Variants in CHLSN observed in about 807,000 individuals in gnomAD.
The protein encoded by CHLSN is protein cholesin.
At chr7:1,136,260 C>CATATAAATATATAAA in the CHLSN span, among the ~76,000 whole-genome samples, 2 of 104,098 alleles carry the variant, frequency 1.9e-5, no homozygotes, top group Admixed American at 1.2e-4. Flanking sequence ...TATATATAAA[C>CATATAAATATATAAA]ATATATAAAT....
chr7:1,062,783 C>T, the CHLSN span, among the ~76,000 whole-genome samples: 30 of 152,272 alleles, frequency 2.0e-4, no homozygotes, highest in African/African-American at 6.3e-4. Context: ...TATGGCGGTG[C>T]GCACGGTCCG....
the CHLSN span, among the ~76,000 whole-genome samples, chr7:981,819 G>A: frequency 6.6e-6 from 1 of 152,162 alleles, no homozygotes; most frequent in East Asian, 1.9e-4. Flanking sequence ...CTTGAACCCA[G>A]GAGTGTGAGA....
the CHLSN span, among the ~76,000 whole-genome samples, chr7:979,453 A>T: frequency 5.9e-5 from 9 of 152,006 alleles, no homozygotes; most frequent in Non-Finnish European, 1.3e-4. Context: ...TTATCTTTTT[A>T]AAAAACGCAG....
chr7:1,050,321 GGCATTTGCTCAGGCTCAGA>G, the CHLSN span, among the ~76,000 whole-genome samples: 1 of 152,238 alleles, frequency 6.6e-6, no homozygotes. Context: ...AGATCCCCAG[GGCATTTGCTCAGGCTCAGA>G]GCAGAGCAGG....
the CHLSN span, among the ~76,000 whole-genome samples, chr7:1,040,351 C>A: frequency 6.6e-6 from 1 of 151,832 alleles, no homozygotes; most frequent in African/African-American, 2.4e-5. Flanking sequence ...AAAAATTAGA[C>A]AAGCATGGTG....
the CHLSN span, among the ~76,000 whole-genome samples, chr7:1,012,394 G>A: frequency 6.6e-6 from 1 of 152,234 alleles, no homozygotes; most frequent in Non-Finnish European, 1.5e-5. Context: ...AACCCAGGCC[G>A]TCCCATATCG....
the CHLSN span, chr7:983,105 G>A: frequency 1.0e-6 from 1 of 971,912 alleles, no homozygotes; most frequent in South Asian, 2.5e-5. Context: ...CACATTCTCG[G>A]GGTGGTGGGG....
the CHLSN span, among the ~76,000 whole-genome samples, chr7:1,031,112 A>G: frequency 0.15 from 23,472 of 152,170 alleles, 1,982 homozygotes; most frequent in Admixed American, 0.22. Context: ...CCTGGTCAGG[A>G]GGAGGGGCCA....
At chr7:1,131,191 TAAAAAAAAAAAAAAA>T in the CHLSN span, among the ~76,000 whole-genome samples, 2 of 117,196 alleles carry the variant, frequency 1.7e-5, no homozygotes, top group Non-Finnish European at 3.4e-5. Context: ...ACCTTGTGTT[TAAAAAAAAAAAAAAA>T]AAAAAAAAAG....
chr7:1,046,909 C>T, the CHLSN span, among the ~76,000 whole-genome samples: 17 of 152,334 alleles, frequency 1.1e-4, no homozygotes, highest in East Asian at 2.5e-3. Flanking sequence ...ATAAGATCTG[C>T]GGCTCAGAGC....
At chr7:1,013,168 G>C in the CHLSN span, among the ~76,000 whole-genome samples, 1 of 152,230 alleles carries the variant, frequency 6.6e-6, no homozygotes, top group South Asian at 2.1e-4. Context: ...AGCAAGGTAG[G>C]ACGGCTGTCA....
At chr7:1,059,525 G>A in the CHLSN span, among the ~76,000 whole-genome samples, 2 of 149,700 alleles carry the variant, frequency 1.3e-5, no homozygotes, top group Non-Finnish European at 3.0e-5. Flanking sequence ...CTGTAGTGAG[G>A]CGGGTCTTAG....
At chr7:1,111,145 C>G in the CHLSN span, among the ~76,000 whole-genome samples, 1 of 152,240 alleles carries the variant, frequency 6.6e-6, no homozygotes, top group Non-Finnish European at 1.5e-5. Context: ...GTCTGCCTGT[C>G]TAATCTGTGG....
At chr7:993,046 ATGAGG>A in the CHLSN span, among the ~76,000 whole-genome samples, 1 of 152,102 alleles carries the variant, frequency 6.6e-6, no homozygotes, top group Admixed American at 6.5e-5. Context: ...CACAGGGGTG[ATGAGG>A]TGAGGCTTGG....
the CHLSN span, among the ~76,000 whole-genome samples, chr7:1,015,947 C>G: frequency 6.6e-6 from 1 of 152,190 alleles, no homozygotes; most frequent in Admixed American, 6.5e-5. Context: ...TGACGCCCCT[C>G]AGTGACCCTG....
chr7:1,114,302 G>A, the CHLSN span, among the ~76,000 whole-genome samples: 3 of 152,260 alleles, frequency 2.0e-5, no homozygotes, highest in Admixed American at 2.0e-4. Context: ...TAAGTGCCAC[G>A]ATCTGTCAGG....
chr7:1,130,601 C>T, the CHLSN span, among the ~76,000 whole-genome samples: 1 of 152,108 alleles, frequency 6.6e-6, no homozygotes, highest in Non-Finnish European at 1.5e-5. Flanking sequence ...TCCCTACACT[C>T]CTCCCCACCC....
chr7:1,031,230 G>C, the CHLSN span, among the ~76,000 whole-genome samples: 1 of 152,240 alleles, frequency 6.6e-6, no homozygotes, highest in Non-Finnish European at 1.5e-5. Flanking sequence ...CGTGCCCATT[G>C]AGAGGCTATG....
chr7:1,093,495 G>A, the CHLSN span: 2 of 470,482 alleles, frequency 4.3e-6, no homozygotes, highest in Non-Finnish European at 8.8e-6. Context: ...AGGAGCAGCA[G>A]CGCTCGGCCC....
Sources: gnomAD v4.1 joint callset for allele counts (sites outside exome capture counted in the v4.1 genomes callset) on GRCh38, gnomAD v4.1.1 for gene constraint, MANE v1.5 for transcripts, NCBI Gene and HGNC (gene_info 2026-07-23, HGNC 2026-07-21) for gene names.